Variants in SLAIN2 observed in about 807,000 individuals in gnomAD.
SLAIN2 encodes the protein SLAIN motif-containing protein 2.
Under a neutral mutation model 56.6 loss-of-function variants are expected in SLAIN2, and 31 were observed. The observed-to-expected ratio is 0.55, with a 90% CI of 0.41 to 0.74. SLAIN2 has a LOEUF of 0.74. Ranked by LOEUF, SLAIN2 falls within the 30% of genes least tolerant of loss-of-function variation. SLAIN2 has a pLI of 0.00. For missense variants in SLAIN2, 777 were observed against 754.2 expected (o/e 1.03, Z -0.35); for synonymous variants, 317 against 284.9 (o/e 1.11, Z -1.13).
chr4:48,342,711 C>CCTTTTT (rs1714750947), intron 1 of SLAIN2, among the ~76,000 whole-genome samples: 2 of 65,938 alleles, frequency 3.0e-5, no homozygotes. Flanking sequence ...GATGGTGCTG[C>CCTTTTT]TTTTTTTTTT....
chr4:48,418,343 GT>G (rs1717054819), intron 6 of SLAIN2, among the ~76,000 whole-genome samples: 1 of 151,872 alleles, frequency 6.6e-6, no homozygotes, highest in South Asian at 2.1e-4. Flanking sequence ...CCCTATTTCT[GT>G]TTTTCGGAGA....
At chr4:48,419,119 T>C (rs76588856) in intron 6 of SLAIN2, among the ~76,000 whole-genome samples, 2 of 151,922 alleles carry the variant, frequency 1.3e-5, no homozygotes, top group African/African-American at 4.8e-5. Context: ...CTTTTTTTTT[T>C]TGAGACAGAG....
At chr4:48,416,514 A>C (rs1321605992) in intron 6 of SLAIN2, among the ~76,000 whole-genome samples, 37 of 143,952 alleles carry the variant, frequency 2.6e-4, no homozygotes, top group Admixed American at 2.3e-3. Flanking sequence ...AAACAGGGAC[A>C]ATTTGACTTC....
intron 1 of SLAIN2, among the ~76,000 whole-genome samples, chr4:48,358,213 T>G (rs1005848494): frequency 6.6e-6 from 1 of 152,166 alleles, no homozygotes. Flanking sequence ...AATTTTGTAA[T>G]GAAGATTGAA....
At chr4:48,389,179 G>C (rs1716171510) in intron 6 of SLAIN2, among the ~76,000 whole-genome samples, 1 of 152,194 alleles carries the variant, frequency 6.6e-6, no homozygotes, top group Admixed American at 6.5e-5. Context: ...ATCTATTTAA[G>C]TAGTACAGTG....
chr4:48,399,985 A>C, intron 6 of SLAIN2, among the ~76,000 whole-genome samples: 1 of 152,036 alleles, frequency 6.6e-6, no homozygotes, highest in East Asian at 1.9e-4. Flanking sequence ...TATCTTTGCT[A>C]GGTTTTGGTA....
chr4:48,348,739 A>C (rs1714935970), intron 1 of SLAIN2, among the ~76,000 whole-genome samples: 1 of 151,892 alleles, frequency 6.6e-6, no homozygotes, highest in Admixed American at 6.6e-5. Context: ...GCTAAGCTTA[A>C]GTGTGAGGAG....
intron 6 of SLAIN2, among the ~76,000 whole-genome samples, chr4:48,399,802 C>G (rs1339474574): frequency 5.3e-5 from 8 of 152,154 alleles, no homozygotes; most frequent in Non-Finnish European, 1.0e-4. Context: ...TGATGAATTA[C>G]ATTTATTGAT....
At chr4:48,374,779 A>G (rs1485774485) in intron 2 of SLAIN2, among the ~76,000 whole-genome samples, 3 of 152,192 alleles carry the variant, frequency 2.0e-5, no homozygotes, top group Admixed American at 2.0e-4. Context: ...ATGGTAATAA[A>G]AGGGAATGAA....
chr4:48,378,685 G>A (rs1472391687), intron 3 of SLAIN2, among the ~76,000 whole-genome samples: 1 of 152,096 alleles, frequency 6.6e-6, no homozygotes, highest in Non-Finnish European at 1.5e-5. Context: ...TTTGACCTGT[G>A]CACTCCCTAG....
intron 1 of SLAIN2, among the ~76,000 whole-genome samples, chr4:48,351,876 G>T (rs1452947581): frequency 6.6e-6 from 1 of 152,204 alleles, no homozygotes; most frequent in East Asian, 1.9e-4. Flanking sequence ...TTAAAAGTGA[G>T]AGCCGGGACT....
intron 2 of SLAIN2, among the ~76,000 whole-genome samples, chr4:48,376,551 CTATT>C (rs1715816773): frequency 6.8e-6 from 1 of 146,976 alleles, no homozygotes; most frequent in South Asian, 2.2e-4. Flanking sequence ...TACTGTTGTA[CTATT>C]TATTTAATTT....
In SLAIN2 at chr4:48,342,037, G is replaced by A; in HGVS notation, c.298G>A (p.Ala100Thr). 15 of 1,397,102 alleles carry A rather than the reference G, an allele frequency of 1.1e-5. No individual in the cohort carries two copies. Among genetic ancestry groups the A allele is most frequent in the Non-Finnish European group, 1.4e-5 (15 of 1,082,384 alleles). The allele number at this position is 1,397,102 out of a possible 1,614,324, so 86.5% of individuals were successfully genotyped here. The part of the protein sequence containing the change: ...ELRDATSLLA[A>T]GEGGLLDEVE... ...GCGGGACGCCACCTCCTTGCTAGCGGCGGGCGAGGGCGGCTTGCTGGACGA... is the reference window on the plus strand; with the variant it reads ...GCGGGACGCCACCTCCTTGCTAGCGACGGGCGAGGGCGGCTTGCTGGACGA... Residue 100 changes from alanine (A) to threonine (T), a missense_variant, in exon 1 of 8, where the codon GCG becomes ACG. Transcript: ENST00000264313.
chr4:48,403,188 AG>A (rs1716601333), intron 6 of SLAIN2, among the ~76,000 whole-genome samples: 1 of 152,156 alleles, frequency 6.6e-6, no homozygotes, highest in African/African-American at 2.4e-5. Flanking sequence ...GGCAGTCGGG[AG>A]GAATGGGATC....
At chr4:48,358,984 G>A (rs765700828) in intron 1 of SLAIN2, among the ~76,000 whole-genome samples, 18 of 152,228 alleles carry the variant, frequency 1.2e-4, no homozygotes, top group Non-Finnish European at 1.6e-4. Context: ...GCCTCCCAAA[G>A]TGCTGGGATT....
rs35476700 is a variant in SLAIN2, at chr4:48,354,466, ATT to A, written c.389+12348_389+12349del. The stretch of plus-strand genomic sequence containing the variant: ...GAGATCCTCGTTAATTGTTACGGAT[ATT>A]TTTTTTTTTCCCCCCTCAGGCTGAG... On this transcript the variant is annotated intron_variant, in intron 1 of 7. Transcript: ENST00000264313. Among the ~76,000 whole-genome samples, 1,174 of 150,432 alleles carry A rather than the reference ATT, an allele frequency of 7.8e-3. 14 individuals carry two copies. Among genetic ancestry groups the A allele is most frequent in the East Asian group, 0.034 (176 of 5,104 alleles).
intron 1 of SLAIN2, among the ~76,000 whole-genome samples, chr4:48,357,481 A>G (rs941577556): frequency 2.6e-5 from 4 of 151,820 alleles, no homozygotes; most frequent in Non-Finnish European, 5.9e-5. Flanking sequence ...TCCTGGGCTC[A>G]AGCAGTCCTC....
intron 2 of SLAIN2, among the ~76,000 whole-genome samples, chr4:48,376,846 C>T (rs1179548186): frequency 6.7e-6 from 1 of 149,296 alleles, no homozygotes; most frequent in African/African-American, 2.5e-5. Context: ...CTCCTGACCT[C>T]GTGATCCGCC....
chr4:48,406,867 T>C (rs926640965), intron 6 of SLAIN2, among the ~76,000 whole-genome samples: 2 of 152,184 alleles, frequency 1.3e-5, no homozygotes, highest in African/African-American at 2.4e-5. Context: ...CTCCACCTTC[T>C]GCAGGAATAA....
Sources: allele counts gnomAD v4.1 joint callset (sites outside exome capture counted in the v4.1 genomes callset), GRCh38; gene constraint gnomAD v4.1.1; transcripts MANE v1.5; gene names NCBI Gene and HGNC (gene_info 2026-07-23, HGNC 2026-07-21).